The following PALMD variants were observed in gnomAD, a reference collection of about 807,000 sequenced individuals.
PALMD encodes the protein palmdelphin.
PALMD carries 42 observed loss-of-function variants against 56.2 expected under a neutral mutation model. The observed-to-expected ratio is 0.75, with a 90% confidence interval of 0.58 to 0.97. The LOEUF is 0.97. Among genes scored for constraint, PALMD ranks in the 50% least tolerant of loss-of-function variants. The probability of loss-of-function intolerance (pLI) is 0.00; values close to 1 mark genes in which losing one functional copy is unlikely to be tolerated. For synonymous variants in PALMD, 242 were observed against 222.9 expected (o/e 1.09, Z -0.76); for missense variants, 660 against 643.8 (o/e 1.03, Z -0.27).
At chr1:99,681,820 A>T (rs1335103313) in intron 3 of PALMD, among the ~76,000 whole-genome samples, 1 of 152,218 alleles carries the variant, frequency 6.6e-6, no homozygotes, top group Non-Finnish European at 1.5e-5. Context: ...GACTTTGCCA[A>T]ATATCCCCAG....
intron 3 of PALMD, among the ~76,000 whole-genome samples, chr1:99,679,042 G>C (rs150120519): frequency 6.6e-6 from 1 of 151,662 alleles, no homozygotes; most frequent in African/African-American, 2.4e-5. Flanking sequence ...CACTTCCATC[G>C]ACCGGCCTCA....
Position 99,667,663 on chromosome 1 carries a change from T to C in PALMD, c.148T>C (p.Trp50Arg). The part of the protein sequence containing the change: ...HLKKKALREK[W>R]LLDGISSGKE... ...TCAGAAAAAGGCCTTGAGGGAGAAA[T>C]GGCTTCTAGATGGAATCAGCAGCGG... Residue 50 changes from tryptophan to arginine, a missense_variant, in exon 3 of 8, where the codon TGG becomes CGG. Transcript: ENST00000263174. 6.2e-7 allele frequency: 1 copy of C among 1,608,464 alleles called. No homozygotes were observed. Among genetic ancestry groups the C allele is most frequent in the African/African-American group, 1.3e-5 (1 of 74,824 alleles).
At chr1:99,690,164 G>A (rs561061346) in intron 7 of PALMD, 1 of 413,282 alleles carries the variant, frequency 2.4e-6, no homozygotes, top group East Asian at 3.5e-5. Context: ...GAGTGTATTT[G>A]GGTCACTAAT....
intron 2 of PALMD, among the ~76,000 whole-genome samples, chr1:99,663,240 A>G (rs1652887937): frequency 3.9e-5 from 6 of 152,176 alleles, no homozygotes; most frequent in African/African-American, 1.4e-4. Context: ...ACATAATTTA[A>G]GATTCCAATT....
At chr1:99,672,979 T>C (rs866812986) in intron 3 of PALMD, among the ~76,000 whole-genome samples, 2 of 152,086 alleles carry the variant, frequency 1.3e-5, no homozygotes, top group African/African-American at 4.8e-5. Context: ...CAAAGGTGTA[T>C]GTGAAGCCTT....
rs775714247 is a variant in PALMD, at chr1:99,686,761, A to G, written c.337A>G (p.Ile113Val). ...GGCCATTTTAAAGAAACTAAAGTCA[A>G]TTGAGCGGACAACAGAAGACATTAT... ...EEAILKKLKS[I>V]ERTTEDIIRS... Residue 113 changes from isoleucine to valine, a missense_variant, in exon 4 of 8, where the codon ATT (isoleucine) becomes GTT (valine). By Grantham distance (29) the Ile-to-Val change is conservative (BLOSUM62 3). Coordinates refer to ENST00000263174, the MANE Select transcript of PALMD (RefSeq NM_017734.5). 1.9e-6 allele frequency: 3 copies of G among 1,600,032 alleles called. No homozygotes were observed. The highest frequency in any genetic ancestry group is 2.2e-5 in the East Asian group (1 of 44,702).
chr1:99,671,352 A>T (rs77561023), intron 3 of PALMD, among the ~76,000 whole-genome samples: 1,633 of 152,310 alleles, frequency 0.011, 31 homozygotes, highest in African/African-American at 0.037. Flanking sequence ...CTGCTGACAT[A>T]GTACACAGGC....
chr1:99,692,793 T>A (rs1653689769), intron 7 of PALMD, among the ~76,000 whole-genome samples: 2 of 152,238 alleles, frequency 1.3e-5, no homozygotes, highest in South Asian at 4.1e-4. Flanking sequence ...GCCTTCTGCC[T>A]TCTGCCTTCT....
chr1:99,655,975 CT>C (rs1406873179), intron 1 of PALMD, among the ~76,000 whole-genome samples: 1 of 151,844 alleles, frequency 6.6e-6, no homozygotes, highest in Non-Finnish European at 1.5e-5. Flanking sequence ...CACGCATGCA[CT>C]TTTTGTGCCC....
intron 3 of PALMD, among the ~76,000 whole-genome samples, chr1:99,679,237 A>G (rs1420616502): frequency 6.6e-6 from 1 of 152,194 alleles, no homozygotes. Context: ...TTTCATACCT[A>G]GCATTGGTAG....
chr1:99,652,160 T>C (rs74917141), intron 1 of PALMD, among the ~76,000 whole-genome samples: 5,825 of 152,336 alleles, frequency 0.038, 377 homozygotes, highest in African/African-American at 0.13. Flanking sequence ...TCCCATTTTA[T>C]GGCAGAAAGC....
At chr1:99,674,245 T>C (rs1653155134) in intron 3 of PALMD, among the ~76,000 whole-genome samples, 1 of 152,158 alleles carries the variant, frequency 6.6e-6, no homozygotes. Flanking sequence ...AAAGATTAAA[T>C]GGTTACTGGC....
At chr1:99,661,821 A>C (rs1230184810) in intron 1 of PALMD, among the ~76,000 whole-genome samples, 4 of 152,206 alleles carry the variant, frequency 2.6e-5, no homozygotes, top group African/African-American at 9.7e-5. Flanking sequence ...CTATCTTCCC[A>C]TAGCAGGCTA....
intron 3 of PALMD, among the ~76,000 whole-genome samples, chr1:99,679,689 A>C (rs934375285): frequency 1.3e-5 from 2 of 152,192 alleles, no homozygotes; most frequent in Non-Finnish European, 2.9e-5. Flanking sequence ...AGCTAAATGA[A>C]TGTTGTGTCT....
chr1:99,646,322 A>T lies in PALMD; in HGVS notation c.5A>T (p.Glu2Val). Residue 2 changes from glutamate to valine, a missense_variant, in exon 1 of 8, where the codon GAA becomes GTA. Physicochemically the swap from Glu to Val is moderately radical, Grantham distance 121. Transcript: ENST00000263174. MEEAELVKGRLQ... is the reference protein window; with the variant it reads MVEAELVKGRLQ... ...TGACTGTCCTTGACTTCTAGAATGGAAGAAGCTGAGCTGGTGAAGGGAAGA... is the reference window on the plus strand; with the variant it reads ...TGACTGTCCTTGACTTCTAGAATGGTAGAAGCTGAGCTGGTGAAGGGAAGA... 6.2e-7 allele frequency: 1 copy of T among 1,613,244 alleles called. No individual in the cohort carries two copies. The highest frequency in any genetic ancestry group is 8.5e-7 in the Non-Finnish European group (1 of 1,179,208).
chr1:99,687,300 CTTT>C (rs1653525002), intron 6 of PALMD, 111 bp downstream of exon 6: 2 of 1,226,512 alleles, frequency 1.6e-6, no homozygotes, highest in African/African-American at 3.0e-5. Context: ...CAATGGTTCA[CTTT>C]ACAAAGTTCT....
intron 1 of PALMD, among the ~76,000 whole-genome samples, chr1:99,658,679 G>A (rs1178743421): frequency 6.6e-6 from 1 of 152,084 alleles, no homozygotes; most frequent in African/African-American, 2.4e-5. Context: ...GCTGAGGCAG[G>A]AGAATGGCGT....
At chr1:99,648,187 T>C (rs1383086637) in intron 1 of PALMD, among the ~76,000 whole-genome samples, 1 of 152,108 alleles carries the variant, frequency 6.6e-6, no homozygotes, top group African/African-American at 2.4e-5. Flanking sequence ...TGTATAAAGG[T>C]TGTAGGGAAA....
chr1:99,689,641 C>A lies in PALMD; in HGVS notation c.1381C>A (p.Pro461Thr). 1 of 1,613,652 alleles carries A rather than the reference C, an allele frequency of 6.2e-7. No individual in the cohort carries two copies. Among genetic ancestry groups the A allele is most frequent in the Non-Finnish European group, 8.5e-7 (1 of 1,179,816 alleles). The part of the protein sequence containing the change: ...EEEDEGEAEK[P>T]SYHPIAPHSQ... The stretch of plus-strand genomic sequence containing the variant: ...GGAGGATGAAGGAGAAGCAGAGAAA[C>A]CGTCCTACCACCCCATAGCTCCCCA... The change falls in exon 7 of 8, where the codon CCG becomes ACG. Residue 461 changes from proline (P) to threonine (T), a missense_variant. By Grantham distance (38) the Pro-to-Thr change is conservative. Coordinates refer to ENST00000263174, the MANE Select transcript of PALMD (RefSeq NM_017734.5).
Sources: gnomAD v4.1 joint callset for allele counts (sites outside exome capture counted in the v4.1 genomes callset) on GRCh38, gnomAD v4.1.1 for gene constraint, MANE v1.5 for transcripts, NCBI Gene and HGNC (gene_info 2026-07-23, HGNC 2026-07-21) for gene names.